VEPH1: variants seen among roughly 807,000 people sequenced by gnomAD.
VEPH1 encodes the protein ventricular zone expressed PH domain containing 1, also known as ventricular zone-expressed PH domain-containing protein homolog 1.
In VEPH1, 80 loss-of-function variants were observed where a neutral mutation model predicts 85.2. The observed-to-expected ratio is 0.94, with a 90% CI of 0.78 to 1.13. VEPH1 has a LOEUF of 1.13. Ranked by LOEUF, VEPH1 falls within the 50% of genes most tolerant of loss-of-function variation. The probability of loss-of-function intolerance (pLI) is 0.00; values close to 1 mark genes in which losing one functional copy is unlikely to be tolerated. For synonymous variants in VEPH1, 297 were observed against 348.0 expected, an observed-to-expected ratio of 0.85 and a Z score of 1.63; for missense variants, 955 against 980.5, an observed-to-expected ratio of 0.97 and a Z score of 0.35.
chr3:157,419,928 C>T (rs149801641), intron 5 of VEPH1, among the ~76,000 whole-genome samples: 1,891 of 152,138 alleles, frequency 0.012, 50 homozygotes, highest in African/African-American at 0.043. Context: ...AACCCAAATA[C>T]CCATCAATGA....
intron 9 of VEPH1, among the ~76,000 whole-genome samples, chr3:157,345,152 G>T (rs1349241634): frequency 6.6e-6 from 1 of 152,152 alleles, no homozygotes; most frequent in Non-Finnish European, 1.5e-5. Context: ...AAAAGCAATG[G>T]CAACAAAAGC....
chr3:157,308,264 A>C (rs1240391479), intron 11 of VEPH1, among the ~76,000 whole-genome samples: 1 of 151,930 alleles, frequency 6.6e-6, no homozygotes, highest in Non-Finnish European at 1.5e-5. Flanking sequence ...CTAAATTTTG[A>C]AGGTGATGAC....
chr3:157,320,890 C>T (rs938049412), intron 9 of VEPH1, among the ~76,000 whole-genome samples: 6 of 152,104 alleles, frequency 3.9e-5, no homozygotes, highest in South Asian at 2.1e-4. Flanking sequence ...TCCTCCTCCA[C>T]GATGCCATTT....
intron 13 of VEPH1, among the ~76,000 whole-genome samples, chr3:157,264,404 A>G (rs1294793350): frequency 1.3e-5 from 2 of 151,232 alleles, no homozygotes; most frequent in Non-Finnish European, 2.9e-5. Context: ...GGAACTTCAC[A>G]CCCTCCATAA....
In VEPH1 at chr3:157,261,327, T is replaced by C. The variant is rs772070275; in HGVS notation, c.2309A>G (p.Gln770Arg). The change falls in exon 14 of 14, where the codon CAG becomes CGG. Residue 770 changes from glutamine (Q) to arginine (R), a missense_variant. Transcript: ENST00000362010. ...TTTCTTGGCCACAGCCTTCACACTCTGTACTTTGCTGAGTTCTATTGGGCA... is the reference window on the plus strand; with the variant it reads ...TTTCTTGGCCACAGCCTTCACACTCCGTACTTTGCTGAGTTCTATTGGGCA... ...DDCPIELSKVQSVKAVAKKRR... is the reference protein window; with the variant it reads ...DDCPIELSKVRSVKAVAKKRR... 7 of 1,613,604 alleles carry C rather than the reference T, an allele frequency of 4.3e-6. No homozygotes were observed. In the South Asian group the frequency reaches 6.6e-5, roughly 15 times the overall value.
chr3:157,353,333 C>T (rs761041882), intron 9 of VEPH1, among the ~76,000 whole-genome samples: 3 of 151,890 alleles, frequency 2.0e-5, no homozygotes, highest in South Asian at 2.1e-4. Context: ...AGTGCAGTGG[C>T]GCAATCTTGG....
chr3:157,412,488 G>T (rs571709505), intron 6 of VEPH1, among the ~76,000 whole-genome samples: 3 of 152,128 alleles, frequency 2.0e-5, no homozygotes, highest in Non-Finnish European at 2.9e-5. Context: ...CACCTCAGAG[G>T]TTGAATTTTT....
At chr3:157,302,969 T>C (rs1002015165) in intron 11 of VEPH1, among the ~76,000 whole-genome samples, 1 of 152,236 alleles carries the variant, frequency 6.6e-6, no homozygotes, top group Non-Finnish European at 1.5e-5. Flanking sequence ...CTTTAAAATT[T>C]CTATTTTTCA....
At chr3:157,496,424 A>G (rs1213777155) in intron 1 of VEPH1, among the ~76,000 whole-genome samples, 1 of 152,246 alleles carries the variant, frequency 6.6e-6, no homozygotes, top group Non-Finnish European at 1.5e-5. Context: ...CCAAGGCCCC[A>G]TAATAGCTGT....
At chr3:157,444,066 G>A (rs559359815) in intron 4 of VEPH1, among the ~76,000 whole-genome samples, 12 of 152,262 alleles carry the variant, frequency 7.9e-5, no homozygotes, top group Non-Finnish European at 1.3e-4. Flanking sequence ...TTACTCAGAA[G>A]GGAGAGGTCA....
At position 157,413,779 on chromosome 3, in the gene VEPH1, T is replaced by C. The variant is rs1033438523; in HGVS notation, c.906+102A>G. 6.3e-6 allele frequency: 9 copies of C among 1,428,928 alleles called. No homozygotes were observed. In the African/African-American group the frequency reaches 1.1e-4, roughly 18 times the overall value. The allele number at this position is 1,428,928 out of a possible 1,614,324, so 88.5% of individuals were successfully genotyped here. A position where few individuals can be genotyped will look rare whatever the true frequency, so the allele number is the denominator to read the frequency against. On this transcript the variant is annotated intron_variant, in intron 6 of 13. Coordinates refer to ENST00000362010, the MANE Select transcript of VEPH1 (RefSeq NM_001167912.2). ...AAAGAGAAATTGGAACTCCCAGAAA[T>C]TCCAGGACAAATTTGCACGTCATAA... is the stretch of plus-strand genomic sequence containing the variant.
chr3:157,291,760 T>C lies in VEPH1; in HGVS notation c.2011-5086A>G, dbSNP rs538250467. On this transcript the variant is annotated intron_variant, in intron 11 of 13. Coordinates refer to ENST00000362010, the MANE Select transcript of VEPH1 (RefSeq NM_001167912.2). ...TTTTGCAGCTTTTAAAAATACTTAGTATGGCACTTTGCCCATAGTAAATGT... is the reference window on the plus strand; with the variant it reads ...TTTTGCAGCTTTTAAAAATACTTAGCATGGCACTTTGCCCATAGTAAATGT... 2.5e-4 allele frequency among the ~76,000 whole-genome samples: 38 copies of C among 152,348 alleles called. No homozygotes were observed. The South Asian group carries it at 7.7e-3, about 31-fold the overall frequency.
At chr3:157,318,760 G>A (rs1379322813) in intron 9 of VEPH1, among the ~76,000 whole-genome samples, 1 of 151,850 alleles carries the variant, frequency 6.6e-6, no homozygotes, top group African/African-American at 2.4e-5. Context: ...AAGTCGATGA[G>A]AAAAGCCAGG....
chr3:157,394,131 A>C (rs1203979749), intron 6 of VEPH1, among the ~76,000 whole-genome samples: 1 of 152,216 alleles, frequency 6.6e-6, no homozygotes, highest in Non-Finnish European at 1.5e-5. Context: ...TACTGCATGC[A>C]AAGTAGAATT....
At chr3:157,425,999 G>C (rs2109102931) in intron 5 of VEPH1, among the ~76,000 whole-genome samples, 1 of 152,238 alleles carries the variant, frequency 6.6e-6, no homozygotes, top group South Asian at 2.1e-4. Context: ...GTTTTATCAG[G>C]GGTTTCTGCT....
intron 2 of VEPH1, among the ~76,000 whole-genome samples, chr3:157,485,760 A>G (rs1463988140): frequency 6.6e-6 from 1 of 152,112 alleles, no homozygotes; most frequent in Non-Finnish European, 1.5e-5. Flanking sequence ...TATAACATTT[A>G]CAAATTACAT....
chr3:157,362,979 A>G (rs184259168), intron 9 of VEPH1, among the ~76,000 whole-genome samples: 8 of 152,284 alleles, frequency 5.3e-5, no homozygotes, highest in East Asian at 1.9e-4. Context: ...AATGTTATGC[A>G]TGACTTTCTT....
intron 9 of VEPH1, among the ~76,000 whole-genome samples, chr3:157,344,448 A>G (rs1388081647): frequency 6.6e-6 from 1 of 152,234 alleles, no homozygotes; most frequent in Non-Finnish European, 1.5e-5. Flanking sequence ...AGAGAATAAA[A>G]TACCTAGGAA....
intron 7 of VEPH1, among the ~76,000 whole-genome samples, chr3:157,378,447 G>A (rs1473714079): frequency 6.7e-6 from 1 of 150,232 alleles, no homozygotes; most frequent in African/African-American, 2.5e-5. Context: ...AATTGAAAGG[G>A]GGTGCTTCTT....
Sources: gnomAD v4.1 joint callset for allele counts (sites outside exome capture counted in the v4.1 genomes callset) on GRCh38, gnomAD v4.1.1 for gene constraint, MANE v1.5 for transcripts, NCBI Gene and HGNC (gene_info 2026-07-23, HGNC 2026-07-21) for gene names.